IP6K3: variants seen among roughly 807,000 people sequenced by gnomAD.
IP6K3 encodes the protein ATP:1D-myo-inositol-hexakisphosphate phosphotransferase.
In IP6K3, 20 loss-of-function variants were observed where a neutral mutation model predicts 28.8. The observed-to-expected ratio is 0.70, with a 90% confidence interval of 0.49 to 1.01. The LOEUF (loss-of-function observed/expected upper bound fraction) is 1.01, where lower values mean the gene tolerates loss of function less well. IP6K3 is among the 50% of genes least tolerant of loss of function. The pLI is 0.00. For synonymous variants in IP6K3, 213 were observed against 221.3 expected (o/e 0.96, Z 0.33); for missense variants, 480 against 537.1 (o/e 0.89, Z 1.05).
upstream of IP6K3, among the ~76,000 whole-genome samples, chr6:33,750,685 A>T (rs1196838685): frequency 6.6e-6 from 1 of 152,208 alleles, no homozygotes; most frequent in Non-Finnish European, 1.5e-5. This position sits in a 1 kb window ranked among gnomAD's most constrained non-coding sequence, Gnocchi z 4.3. Context: ...GAATGAGTGG[A>T]TAAACACGTG....
the IP6K3 span, among the ~76,000 whole-genome samples, chr6:33,757,358 C>G: frequency 6.6e-6 from 1 of 152,216 alleles, no homozygotes; most frequent in East Asian, 1.9e-4. Flanking sequence ...GATGTTCTTG[C>G]CCTCTGCTGA....
the IP6K3 span, among the ~76,000 whole-genome samples, chr6:33,760,249 A>G: frequency 6.6e-6 from 1 of 152,224 alleles, no homozygotes; most frequent in East Asian, 1.9e-4. Context: ...AGGTGTTAGG[A>G]GTGCTCAGTG....
intron 2 of IP6K3, among the ~76,000 whole-genome samples, 168 bp from the exon 3 acceptor site, chr6:33,728,468 T>C (rs145494315): frequency 3.2e-3 from 489 of 152,354 alleles, no homozygotes; most frequent in African/African-American, 0.01. Flanking sequence ...TGGTTTTGCC[T>C]GAACCGATCC....
At chr6:33,732,703 A>G (rs1766361088) in intron 2 of IP6K3, among the ~76,000 whole-genome samples, 1 of 152,206 alleles carries the variant, frequency 6.6e-6, no homozygotes, top group Non-Finnish European at 1.5e-5. Context: ...CAGGGCGGAT[A>G]AAGGTCCCTG....
chr6:33,735,381 C>T lies in IP6K3; in HGVS notation c.96G>A (p.Met32Ile), dbSNP rs1766482574. The T allele has an allele frequency of 1.2e-6, 2 of 1,606,096 alleles. No individual in the cohort carries two copies. Among genetic ancestry groups the T allele is most frequent in the East Asian group, 2.2e-5 (1 of 44,824 alleles). ...LHQVGGHMSV[M>I]KYDEHTVCKP... ...TGCACACCGTATGCTCGTCATACTT[C>T]ATCACGCTCATGTGCCCCCCGACCT... The change falls in exon 2 of 6, where the codon ATG (methionine) becomes ATA (isoleucine). Residue 32 changes from methionine to isoleucine, a missense_variant. Coordinates refer to ENST00000293756, the MANE Select transcript of IP6K3 (RefSeq NM_054111.5).
intron 1 of IP6K3, among the ~76,000 whole-genome samples, chr6:33,737,133 C>A (rs1403167720): frequency 6.6e-6 from 1 of 152,152 alleles, no homozygotes; most frequent in Non-Finnish European, 1.5e-5. Context: ...CCCTCCTCCC[C>A]CTCCCACTCC....
chr6:33,726,712 AG>A lies in IP6K3; in HGVS notation c.589+18del. On this transcript the variant is annotated intron_variant, in intron 4 of 5. Transcript: ENST00000293756. ...CGCCCCGCCCTTGGGACCACATGTG[AG>A]GGGGATGGCAAGGATACGATGCCGC... The A allele has an allele frequency of 1.9e-6, 3 of 1,555,318 alleles. No homozygotes were observed. The highest frequency in any genetic ancestry group is 2.6e-6 in the Non-Finnish European group (3 of 1,141,092).
In IP6K3 at chr6:33,735,503, C is replaced by A; in HGVS notation, c.-27G>T. ...GCGGCAGATGGTGGTGGTGGGGGGT[C>A]CCTGCACAGTCTGCTAGAGGAAGGT... On this transcript the variant is annotated 5_prime_UTR_variant, in exon 2 of 6. Coordinates refer to ENST00000293756, the MANE Select transcript of IP6K3 (RefSeq NM_054111.5). 6.2e-7 allele frequency: 1 copy of A among 1,601,378 alleles called. No homozygotes were observed. Among genetic ancestry groups the A allele is most frequent in the Non-Finnish European group, 8.5e-7 (1 of 1,178,360 alleles).
chr6:33,759,586 G>A, the IP6K3 span, among the ~76,000 whole-genome samples: 11 of 152,190 alleles, frequency 7.2e-5, no homozygotes, highest in East Asian at 1.9e-4. Context: ...GGGGAAGGCC[G>A]GGCGTGGTGG....
rs200147205 is a variant in IP6K3, at chr6:33,735,488, G to A, written c.-12C>T. ...TTTTGCACAACCATGGCGGCAGATG[G>A]TGGTGGTGGGGGGTCCCTGCACAGT... On this transcript the variant is annotated 5_prime_UTR_variant, in exon 2 of 6. Transcript: ENST00000293756. The A allele has an allele frequency of 2.2e-3, 3,512 of 1,600,230 alleles. 37 individuals carry two copies. The highest frequency in any genetic ancestry group is 0.011 in the Middle Eastern group (66 of 6,030).
intron 2 of IP6K3, among the ~76,000 whole-genome samples, chr6:33,734,475 A>G (rs1028239194): frequency 5.9e-5 from 9 of 152,222 alleles, no homozygotes; most frequent in African/African-American, 1.9e-4. Flanking sequence ...TACTTTGACA[A>G]TGAGGGCAGC....
At chr6:33,741,200 A>G (rs1373802044) in intron 1 of IP6K3, among the ~76,000 whole-genome samples, 1 of 152,182 alleles carries the variant, frequency 6.6e-6, no homozygotes, top group Non-Finnish European at 1.5e-5. Context: ...GACTGTACAT[A>G]CTGGATATAT....
At chr6:33,732,577 G>A (rs1766357767) in intron 2 of IP6K3, among the ~76,000 whole-genome samples, 1 of 152,172 alleles carries the variant, frequency 6.6e-6, no homozygotes, top group African/African-American at 2.4e-5. Flanking sequence ...GTGGCCAAGA[G>A]CCCACAGTCA....
chr6:33,746,319 TC>T lies in IP6K3; in HGVS notation c.-180+438del, dbSNP rs1008904081. ...GGGCTGCTGGGCTAGGACATGCTGTTCCTGTGCCCAGGGGATGCTGCCCGCG... is the reference window on the plus strand; with the variant it reads ...GGGCTGCTGGGCTAGGACATGCTGTTCTGTGCCCAGGGGATGCTGCCCGCG... On this transcript the variant is annotated intron_variant, in intron 1 of 5. Transcript: ENST00000293756. This position sits in a 1 kb window ranked among gnomAD's most constrained non-coding sequence, Gnocchi z 6.5. Among the ~76,000 whole-genome samples the T allele has an allele frequency of 3.9e-5, 6 of 152,134 alleles. No individual in the cohort carries two copies. The highest frequency in any genetic ancestry group is 1.4e-4 in the African/African-American group (6 of 41,418).
chr6:33,745,725 A>C (rs1421952701), intron 1 of IP6K3, among the ~76,000 whole-genome samples: 3 of 152,154 alleles, frequency 2.0e-5, no homozygotes, highest in Admixed American at 6.5e-5. Context: ...GCAGACGCTC[A>C]TGGGTAGTTG....
In IP6K3 at chr6:33,722,908, G is replaced by GGA. The variant is rs771725371; in HGVS notation, c.1044_1045insTC (p.Pro349SerfsTer20). The GGA allele has an allele frequency of 2.0e-5, 32 of 1,614,078 alleles. No homozygotes were observed. The East Asian group carries it at 4.2e-4, about 21-fold the overall frequency. ...GGAGAGCTACCGTGGGCTGCCTGGG[G>GGA]AGCCTCGTGAGGATGCGGGCTGCCT... On this transcript the variant is annotated frameshift_variant, in exon 6 of 6. Transcript: ENST00000293756. LOFTEE classifies it low-confidence loss of function (END_TRUNC).
At chr6:33,751,661 C>G (rs1767024673), upstream of IP6K3, among the ~76,000 whole-genome samples, 1 of 152,146 alleles carries the variant, frequency 6.6e-6, no homozygotes, top group South Asian at 2.1e-4. This position sits in a 1 kb window ranked among gnomAD's most constrained non-coding sequence, Gnocchi z 4.3. Context: ...CACAATAGCC[C>G]TGTGAGGGAG....
chr6:33,748,467 C>T (rs746880526), upstream of IP6K3, among the ~76,000 whole-genome samples: 23 of 151,856 alleles, frequency 1.5e-4, no homozygotes, highest in Non-Finnish European at 2.6e-4. Context: ...GATGTGTTAG[C>T]GGCAAGAGAA....
chr6:33,730,935 G>T (rs960908155), intron 2 of IP6K3, among the ~76,000 whole-genome samples: 2 of 152,192 alleles, frequency 1.3e-5, no homozygotes, highest in Non-Finnish European at 2.9e-5. Context: ...GAACAGAGAC[G>T]CTGTGATTCC....
Sources: allele counts gnomAD v4.1 joint callset (sites outside exome capture counted in the v4.1 genomes callset), GRCh38; gene constraint gnomAD v4.1.1; non-coding constraint Gnocchi (gnomAD v3.1); transcripts MANE v1.5; gene names NCBI Gene and HGNC (gene_info 2026-07-23, HGNC 2026-07-21).